Variants in NYAP2 observed in about 807,000 individuals in gnomAD.
The protein encoded by NYAP2 is neuronal tyrosine-phosphorylated phosphoinositide-3-kinase adapter 2.
A neutral mutation model predicts 50.4 loss-of-function variants in NYAP2; 23 were observed. The ratio of observed to expected loss-of-function variants is 0.46; its 90% CI spans 0.33 to 0.65. The LOEUF is 0.65. Among genes scored for constraint, NYAP2 ranks in the 30% least tolerant of loss-of-function variants. The probability of loss-of-function intolerance (pLI) is 0.02; values close to 1 mark genes in which losing one functional copy is unlikely to be tolerated. For synonymous variants in NYAP2, 394 were observed against 365.2 expected, an observed-to-expected ratio of 1.08 and a Z score of -0.90; for missense variants, 885 against 861.0, an observed-to-expected ratio of 1.03 and a Z score of -0.35.
chr2:225,601,192 C>T (rs1268725652), intron 5 of NYAP2, among the ~76,000 whole-genome samples: 2 of 150,072 alleles, frequency 1.3e-5, no homozygotes, highest in African/African-American at 4.9e-5. Context: ...GCGATCTTGG[C>T]TCACTGCAAC....
chr2:225,498,955 T>G (rs182491363), intron 3 of NYAP2, among the ~76,000 whole-genome samples: 2 of 152,256 alleles, frequency 1.3e-5, no homozygotes, highest in Admixed American at 1.3e-4. Flanking sequence ...AGAGGGCGAA[T>G]AGATGTCTCA....
chr2:225,482,682 G>A (rs956711093), intron 3 of NYAP2, among the ~76,000 whole-genome samples: 11 of 152,044 alleles, frequency 7.2e-5, no homozygotes, highest in Admixed American at 1.3e-4. Context: ...CACCACCACA[G>A]AGCCTATTTT....
intron 4 of NYAP2, among the ~76,000 whole-genome samples, chr2:225,531,801 G>A (rs1691257711): frequency 1.3e-5 from 2 of 152,180 alleles, no homozygotes; most frequent in African/African-American, 4.8e-5. Context: ...CACTCTGAAT[G>A]ATGTAAAAGA....
chr2:225,511,996 T>G (rs1690826762), intron 3 of NYAP2, among the ~76,000 whole-genome samples: 1 of 152,204 alleles, frequency 6.6e-6, no homozygotes, highest in Non-Finnish European at 1.5e-5. Context: ...TTTGTAATGG[T>G]ATTTTTAAAA....
chr2:225,582,879 G>T lies in NYAP2; in HGVS notation c.1462G>T (p.Val488Phe). 6.2e-7 allele frequency: 1 copy of T among 1,613,682 alleles called. No individual in the cohort carries two copies. Among genetic ancestry groups the T allele is most frequent in the Non-Finnish European group, 8.5e-7 (1 of 1,179,880 alleles). The change falls in exon 5 of 7, where the codon GTC becomes TTC. Residue 488 changes from valine to phenylalanine, a missense_variant. Transcript: ENST00000636099. This position sits in a 1 kb window ranked among gnomAD's most constrained non-coding sequence, Gnocchi z 7.0. The stretch of plus-strand genomic sequence containing the variant: ...CGTGTCGCAAGATGGGGCCAAGATG[G>T]TCAACGCCGCGGTGAACACCTACGG...
intron 3 of NYAP2, among the ~76,000 whole-genome samples, chr2:225,493,616 T>G (rs1180420966): frequency 6.6e-6 from 1 of 152,218 alleles, no homozygotes; most frequent in African/African-American, 2.4e-5. Context: ...TCACCTGGAT[T>G]CGTGCATTTG....
At chr2:225,403,411 G>C (rs551891975) in intron 2 of NYAP2, among the ~76,000 whole-genome samples, 3 of 152,084 alleles carry the variant, frequency 2.0e-5, no homozygotes, top group African/African-American at 7.2e-5. Context: ...TCCATTCTAT[G>C]TATTGTGTTC....
chr2:225,561,973 C>T (rs1399979623), intron 4 of NYAP2, among the ~76,000 whole-genome samples: 1 of 151,814 alleles, frequency 6.6e-6, no homozygotes, highest in African/African-American at 2.4e-5. Context: ...TCCTGTCTCT[C>T]AAAAAGTTCT....
At chr2:225,410,707 C>T (rs2106120245) in intron 3 of NYAP2, among the ~76,000 whole-genome samples, 1 of 152,188 alleles carries the variant, frequency 6.6e-6, no homozygotes, top group Non-Finnish European at 1.5e-5. Flanking sequence ...CTACTAGCTT[C>T]TGTATTTCAT....
the NYAP2 span, chr2:225,703,138 G>T: frequency 1.3e-5 from 2 of 151,676 alleles, no homozygotes; most frequent in Non-Finnish European, 3.0e-5. Context: ...TTTAGCAGTT[G>T]TATGTTTACT....
intron 3 of NYAP2, among the ~76,000 whole-genome samples, chr2:225,512,373 C>T (rs1183956375): frequency 6.6e-6 from 1 of 152,170 alleles, no homozygotes; most frequent in African/African-American, 2.4e-5. Context: ...TGTCTGATTT[C>T]TTAGTAGGAC....
chr2:225,443,523 C>A (rs1024447466), intron 3 of NYAP2, among the ~76,000 whole-genome samples: 1 of 152,026 alleles, frequency 6.6e-6, no homozygotes, highest in Admixed American at 6.5e-5. Context: ...TGGAGCTGAA[C>A]CAATCCACAA....
chr2:225,666,842 C>T, the NYAP2 span, among the ~76,000 whole-genome samples: 75 of 145,016 alleles, frequency 5.2e-4, no homozygotes, highest in Middle Eastern at 6.9e-3. Flanking sequence ...ATTCCCCCCC[C>T]TCCATGCCCC....
At chr2:225,436,756 AAAAG>A (rs1220653112) in intron 3 of NYAP2, among the ~76,000 whole-genome samples, 12 of 150,198 alleles carry the variant, frequency 8.0e-5, no homozygotes, top group South Asian at 2.1e-4. Flanking sequence ...AAAAAAAAAA[AAAAG>A]AGAGAAGAAG....
chr2:225,686,416 T>G, the NYAP2 span, among the ~76,000 whole-genome samples: 1 of 152,130 alleles, frequency 6.6e-6, no homozygotes, highest in Non-Finnish European at 1.5e-5. Flanking sequence ...GGTGAAGACT[T>G]TCTCCCTGGC....
At chr2:225,469,171 GA>G (rs1309219649) in intron 3 of NYAP2, among the ~76,000 whole-genome samples, 2 of 151,742 alleles carry the variant, frequency 1.3e-5, no homozygotes, top group Admixed American at 1.3e-4. Context: ...AAATTTACAA[GA>G]AAAAAACAAC....
intron 5 of NYAP2, among the ~76,000 whole-genome samples, chr2:225,586,727 A>G (rs1692395396): frequency 6.6e-6 from 1 of 152,190 alleles, no homozygotes; most frequent in Admixed American, 6.5e-5. Flanking sequence ...GGGCCATTTC[A>G]TTTTAATAAA....
chr2:225,530,567 T>C (rs1004922767), intron 4 of NYAP2, among the ~76,000 whole-genome samples: 4 of 152,206 alleles, frequency 2.6e-5, no homozygotes, highest in Non-Finnish European at 5.9e-5. Context: ...TCTATTTGTC[T>C]CCTTGAGGGT....
chr2:225,567,416 A>T (rs1054103738), intron 4 of NYAP2, among the ~76,000 whole-genome samples: 2 of 152,190 alleles, frequency 1.3e-5, no homozygotes, highest in African/African-American at 4.8e-5. Context: ...TCCCATGAAC[A>T]GTTATTTATA....
Sources: gnomAD v4.1 joint callset for allele counts (sites outside exome capture counted in the v4.1 genomes callset) on GRCh38, gnomAD v4.1.1 for gene constraint, Gnocchi (gnomAD v3.1) non-coding constraint, MANE v1.5 for transcripts, NCBI Gene and HGNC (gene_info 2026-07-23, HGNC 2026-07-21) for gene names.